The following MELK variants were observed in gnomAD, a reference collection of about 807,000 sequenced individuals.
The protein encoded by MELK is maternal embryonic leucine zipper kinase.
Under a neutral mutation model 85.0 loss-of-function variants are expected in MELK, and 81 were observed. The observed-to-expected ratio is 0.95, with a 90% CI of 0.80 to 1.15. The LOEUF is 1.15. Among genes scored for constraint, MELK ranks in the 50% most tolerant of loss-of-function variants. The pLI, the probability that MELK is intolerant of heterozygous loss-of-function variation, is 0.00. For synonymous variants in MELK, 252 were observed against 265.0 expected, an observed-to-expected ratio of 0.95 and a Z score of 0.48; for missense variants, 754 against 777.5, an observed-to-expected ratio of 0.97 and a Z score of 0.36.
In MELK at chr9:36,597,263, T is replaced by C. The variant is rs374766454; in HGVS notation, c.447T>C (p.Ile149=). Residue 149 remains isoleucine, a synonymous_variant, in exon 6 of 18, where the codon ATT becomes ATC. Coordinates refer to ENST00000298048, the MANE Select transcript of MELK (RefSeq NM_014791.4). ...ATGAATATCATAAATTAAAGCTGAT[T>C]GACTTTGGTCTCTGTGCAAAACCCA... is the stretch of plus-strand genomic sequence containing the variant. ...LFDEYHKLKL[I]DFGLCAKPKG... 4 of 1,613,930 alleles carry C rather than the reference T, an allele frequency of 2.5e-6. No individual in the cohort carries two copies. In the Admixed American group the frequency reaches 5.0e-5, roughly 20 times the overall value.
chr9:36,593,478 A>G (rs1254762961), intron 4 of MELK, among the ~76,000 whole-genome samples: 1 of 152,114 alleles, frequency 6.6e-6, no homozygotes, highest in African/African-American at 2.4e-5. Flanking sequence ...CTCACTAGAC[A>G]CTGAATCTAG....
intron 11 of MELK, among the ~76,000 whole-genome samples, chr9:36,649,494 G>A (rs560472080): frequency 1.3e-5 from 2 of 151,968 alleles, no homozygotes; most frequent in East Asian, 1.9e-4. Context: ...AGCTAGGCAC[G>A]GTGGCTTACG....
intron 8 of MELK, among the ~76,000 whole-genome samples, chr9:36,614,445 A>ATTTTTTTTTTTTTTTG (rs1564162098): frequency 1.1e-5 from 1 of 88,938 alleles, no homozygotes; most frequent in African/African-American, 5.0e-5. Context: ...TTTTTTTTTA[A>ATTTTTTTTTTTTTTTG]TTTATTTTTT....
chr9:36,640,104 T>C (rs1829623556), intron 10 of MELK, among the ~76,000 whole-genome samples: 1 of 152,216 alleles, frequency 6.6e-6, no homozygotes, highest in Admixed American at 6.5e-5. Flanking sequence ...GTCTCTACTT[T>C]GTAACCCATG....
intron 17 of MELK, among the ~76,000 whole-genome samples, chr9:36,675,444 T>C (rs1057082204): frequency 6.6e-6 from 1 of 152,226 alleles, no homozygotes; most frequent in Non-Finnish European, 1.5e-5. Flanking sequence ...GCACAGATAT[T>C]GTCCCACTTT....
intron 15 of MELK, 90 bp from the exon 16 acceptor site, chr9:36,670,908 A>G: frequency 1.5e-6 from 2 of 1,348,376 alleles, no homozygotes; most frequent in South Asian, 3.7e-5. Context: ...AGGCATCCTA[A>G]TGTGTATGAA....
chr9:36,644,560 G>C (rs900368359), intron 11 of MELK, among the ~76,000 whole-genome samples: 1 of 152,110 alleles, frequency 6.6e-6, no homozygotes, highest in African/African-American at 2.4e-5. Context: ...AATGCCTTTA[G>C]GGAAATAGTA....
chr9:36,630,401 G>A, intron 9 of MELK, 34 bp downstream of exon 9: 1 of 1,523,340 alleles, frequency 6.6e-7, no homozygotes, highest in Non-Finnish European at 9.0e-7. Context: ...GAAGTCTATT[G>A]TAATTGTTTG....
intron 9 of MELK, among the ~76,000 whole-genome samples, chr9:36,631,702 G>C (rs1048662582): frequency 1.3e-5 from 2 of 152,048 alleles, no homozygotes; most frequent in Non-Finnish European, 2.9e-5. Flanking sequence ...AGCCTCCCAA[G>C]TAACTGGGAC....
intron 8 of MELK, among the ~76,000 whole-genome samples, chr9:36,613,702 G>T (rs1479876420): frequency 1.3e-5 from 2 of 152,110 alleles, no homozygotes; most frequent in African/African-American, 2.4e-5. Flanking sequence ...ATATCTAGGA[G>T]AAAAATATTT....
At chr9:36,579,925 A>G (rs988222305) in intron 1 of MELK, among the ~76,000 whole-genome samples, 4 of 152,132 alleles carry the variant, frequency 2.6e-5, no homozygotes, top group Non-Finnish European at 5.9e-5. Context: ...TGTAACCCAC[A>G]TAAGTTGTGA....
chr9:36,602,277 G>A (rs76190773), intron 7 of MELK, among the ~76,000 whole-genome samples: 45 of 152,076 alleles, frequency 3.0e-4, no homozygotes, highest in African/African-American at 1.0e-3. Context: ...CGGATCATGA[G>A]GTTAGGAGTT....
chr9:36,575,597 G>GAAGA (rs1376862013), intron 1 of MELK, among the ~76,000 whole-genome samples: 1 of 151,648 alleles, frequency 6.6e-6, no homozygotes, highest in Admixed American at 6.6e-5. Context: ...AGAGAAAATG[G>GAAGA]AAGAAAGAAA....
rs184858832 is a variant in MELK, at chr9:36,595,166, C to T, written c.405+395C>T. The stretch of plus-strand genomic sequence containing the variant: ...GGTCATTTTTTTGGAGACGGAGTCT[C>T]ACTCCGTCGCCCAGGCTGGAGTGCA... On this transcript the variant is annotated intron_variant, in intron 5 of 17. Transcript: ENST00000298048. Among the ~76,000 whole-genome samples, 1,165 of 151,872 alleles carry T rather than the reference C, an allele frequency of 7.7e-3. 17 individuals are homozygous for T. The highest frequency in any genetic ancestry group is 0.034 in the South Asian group (162 of 4,798).
chr9:36,648,812 A>G (rs1329692858), intron 11 of MELK, among the ~76,000 whole-genome samples: 1 of 152,236 alleles, frequency 6.6e-6, no homozygotes, highest in African/African-American at 2.4e-5. Flanking sequence ...TCATACACAT[A>G]GAACCTCTCA....
intron 10 of MELK, among the ~76,000 whole-genome samples, chr9:36,635,403 A>G (rs962312732): frequency 6.6e-6 from 1 of 152,058 alleles, no homozygotes; most frequent in Non-Finnish European, 1.5e-5. Flanking sequence ...AGTTGGGATT[A>G]CAGCCGCCTG....
At position 36,651,960 on chromosome 9, in the gene MELK, G is replaced by A. The variant is rs117437836; in HGVS notation, c.1053+83G>A. The A allele has an allele frequency of 2.3e-4, 292 of 1,286,886 alleles. 1 individual carries two copies. In the East Asian group the frequency reaches 7.7e-3, roughly 34 times the overall value. 79.7% of individuals were successfully genotyped at this position (1,286,886 alleles called of 1,614,324 possible). A position where few individuals can be genotyped will look rare whatever the true frequency, so the allele number is the denominator to read the frequency against. ...TACCACTGGGAAGGTAAACTTTCCG[G>A]TGTCAAGGAGTCAGAGGCAAGATGT... On this transcript the variant is annotated intron_variant, in intron 12 of 17. Coordinates refer to ENST00000298048, the MANE Select transcript of MELK (RefSeq NM_014791.4).
chr9:36,674,818 C>A lies in MELK; in HGVS notation c.1675-16C>A. ...TGTAAAAATTTACTTCTCATCTCTT[C>A]TTTTTCTTTTCTTAGCTTCACTATA... On this transcript the variant is annotated splice_polypyrimidine_tract_variant and intron_variant, in intron 16 of 17. Transcript: ENST00000298048. 1 of 1,488,512 alleles carries A rather than the reference C, an allele frequency of 6.7e-7. No individual in the cohort carries two copies. Among genetic ancestry groups the A allele is most frequent in the Non-Finnish European group, 9.3e-7 (1 of 1,073,368 alleles). The allele number at this position is 1,488,512 out of a possible 1,614,324, so 92.2% of individuals were successfully genotyped here.
At chr9:36,589,783 TTTAGA>T in intron 4 of MELK, 131 bp downstream of exon 4, 3 of 652,748 alleles carry the variant, frequency 4.6e-6, no homozygotes, top group Non-Finnish European at 7.9e-6. Context: ...TTTGTAACAA[TTTAGA>T]TTAAATAGAT....
Sources: gnomAD v4.1 joint callset for allele counts (sites outside exome capture counted in the v4.1 genomes callset) on GRCh38, gnomAD v4.1.1 for gene constraint, MANE v1.5 for transcripts, NCBI Gene and HGNC (gene_info 2026-07-23, HGNC 2026-07-21) for gene names.